The following ADGRL3 variants were observed in gnomAD, a reference collection of about 807,000 sequenced individuals.
ADGRL3 encodes the protein calcium-independent alpha-latrotoxin receptor 3.
ADGRL3 carries 62 observed loss-of-function variants against 153.5 expected under a neutral mutation model. That is an observed-to-expected ratio of 0.40 (90% confidence interval 0.33 to 0.50). The LOEUF is 0.50. Ranked by LOEUF, ADGRL3 falls within the 20% of genes least tolerant of loss-of-function variation. The probability of loss-of-function intolerance (pLI) is 0.47; values close to 1 mark genes in which losing one functional copy is unlikely to be tolerated. For synonymous variants in ADGRL3, 710 were observed against 672.5 expected, an observed-to-expected ratio of 1.06 and a Z score of -0.86; for missense variants, 1,641 against 1,859.4, an observed-to-expected ratio of 0.88 and a Z score of 2.16.
intron 5 of ADGRL3, among the ~76,000 whole-genome samples, chr4:61,673,523 G>T (rs779789600): frequency 1.5e-4 from 22 of 151,464 alleles, no homozygotes; most frequent in Non-Finnish European, 2.5e-4. Context: ...TAATATTTTA[G>T]AATGAATTTA....
chr4:62,038,765 C>T (rs749863407), intron 24 of ADGRL3, among the ~76,000 whole-genome samples: 4 of 152,040 alleles, frequency 2.6e-5, no homozygotes, highest in Non-Finnish European at 5.9e-5. Context: ...TGTGCCACCA[C>T]GCCCAGATAA....
At chr4:61,380,597 C>T (rs1400259298) in intron 1 of ADGRL3, among the ~76,000 whole-genome samples, 1 of 151,952 alleles carries the variant, frequency 6.6e-6, no homozygotes, top group African/African-American at 2.4e-5. Flanking sequence ...ATCTAGTACT[C>T]AAACTCAAAA....
At position 61,726,210 on chromosome 4, in the gene ADGRL3, G is replaced by GTTTTTTTTTTTTTTTTTTTTTTTTTTTTT. The variant is rs149472429; in HGVS notation, c.584-4406_584-4405insTTTTTTTTTTTTTTTTTTTTTTTTTTTTT. ...AATACTCACTGGAACTTTTTTTTTT[G>GTTTTTTTTTTTTTTTTTTTTTTTTTTTTT]TTTTTTGAGAAGGAGTCTCACCCTG... On this transcript the variant is annotated intron_variant, in intron 6 of 26. Transcript: ENST00000683033. Among the ~76,000 whole-genome samples the GTTTTTTTTTTTTTTTTTTTTTTTTTTTTT allele has an allele frequency of 3.2e-4, 38 of 118,486 alleles. 3 individuals carry two copies. Among genetic ancestry groups the GTTTTTTTTTTTTTTTTTTTTTTTTTTTTT allele is most frequent in the Non-Finnish European group, 3.6e-4 (21 of 58,124 alleles). 77.7% of individuals were successfully genotyped at this position (118,486 alleles called of 152,430 possible).
At chr4:61,749,618 C>A (rs2096724921) in intron 8 of ADGRL3, among the ~76,000 whole-genome samples, 1 of 151,812 alleles carries the variant, frequency 6.6e-6, no homozygotes, top group Non-Finnish European at 1.5e-5. Context: ...AACAAAAAAC[C>A]AAACACTGCA....
At chr4:61,601,792 A>T (rs186219693) in intron 5 of ADGRL3, among the ~76,000 whole-genome samples, 7 of 152,258 alleles carry the variant, frequency 4.6e-5, no homozygotes. Context: ...AGGTTCATGG[A>T]GAAATAAAAA....
At chr4:62,020,973 C>T (rs1362259388) in intron 21 of ADGRL3, among the ~76,000 whole-genome samples, 1 of 151,870 alleles carries the variant, frequency 6.6e-6, no homozygotes, top group Non-Finnish European at 1.5e-5. Context: ...AAAGAAAATG[C>T]TACTTTATAT....
intron 15 of ADGRL3, among the ~76,000 whole-genome samples, chr4:61,941,237 G>C (rs1226289174): frequency 1.5e-5 from 2 of 129,796 alleles, no homozygotes; most frequent in South Asian, 6.0e-4. Context: ...AGATCAGATA[G>C]TTGTAGATAT....
At chr4:62,000,678 AC>A (rs2099137122) in intron 21 of ADGRL3, among the ~76,000 whole-genome samples, 1 of 152,140 alleles carries the variant, frequency 6.6e-6, no homozygotes, top group Non-Finnish European at 1.5e-5. Context: ...AAGAACATAA[AC>A]CTTTGATGGT....
chr4:61,952,967 T>C (rs1444671125), intron 17 of ADGRL3, among the ~76,000 whole-genome samples: 3 of 152,204 alleles, frequency 2.0e-5, no homozygotes, highest in Admixed American at 2.0e-4. Context: ...TCACAAAGCA[T>C]GTGTGTCCTG....
intron 1 of ADGRL3, among the ~76,000 whole-genome samples, chr4:61,372,020 A>G (rs944376192): frequency 4.6e-5 from 7 of 152,176 alleles, no homozygotes; most frequent in African/African-American, 1.4e-4. Flanking sequence ...AGTTGATGGT[A>G]TCGGCTCCTG....
chr4:61,842,104 A>C (rs571465481), intron 9 of ADGRL3, among the ~76,000 whole-genome samples: 1 of 152,320 alleles, frequency 6.6e-6, no homozygotes, highest in Admixed American at 6.5e-5. Context: ...CAGAGATGTT[A>C]AAAAGGCACT....
At chr4:61,375,161 T>C (rs764080567) in intron 1 of ADGRL3, among the ~76,000 whole-genome samples, 14 of 152,132 alleles carry the variant, frequency 9.2e-5, no homozygotes, top group Non-Finnish European at 5.9e-5. Context: ...AAAAAAAATC[T>C]ATCATGAGTC....
At chr4:61,373,119 C>T (rs1472833418) in intron 1 of ADGRL3, among the ~76,000 whole-genome samples, 1 of 152,142 alleles carries the variant, frequency 6.6e-6, no homozygotes, top group Non-Finnish European at 1.5e-5. Flanking sequence ...CTGACCTGCG[C>T]CCACTGTCTG....
In ADGRL3 at chr4:61,402,912, G is replaced by T. The variant is rs1295781032; in HGVS notation, c.-174+19723G>T. Among the ~76,000 whole-genome samples the T allele has an allele frequency of 2.0e-5, 3 of 151,794 alleles. No individual in the cohort carries two copies. In the East Asian group the frequency reaches 5.8e-4, roughly 30 times the overall value. ...TGCCTTAACAAAATGCCATTGTTTA[G>T]GTGGCTTAAAAACGGTAGTTTATTT... On this transcript the variant is annotated intron_variant, in intron 2 of 26. Coordinates refer to ENST00000683033, the MANE Select transcript of ADGRL3 (RefSeq NM_001387552.1).
intron 2 of ADGRL3, among the ~76,000 whole-genome samples, chr4:61,432,378 G>A (rs1578823872): frequency 6.6e-6 from 1 of 152,180 alleles, no homozygotes; most frequent in East Asian, 1.9e-4. Context: ...GCTTTTGAAA[G>A]ACAAGAGAAG....
At chr4:61,206,463 G>A (rs1271480274) in intron 1 of ADGRL3, among the ~76,000 whole-genome samples, 1 of 152,128 alleles carries the variant, frequency 6.6e-6, no homozygotes. Context: ...CCCTTTCAGA[G>A]GAAATGTGAA....
At chr4:61,531,394 T>A (rs2098613421) in intron 4 of ADGRL3, among the ~76,000 whole-genome samples, 1 of 152,150 alleles carries the variant, frequency 6.6e-6, no homozygotes. Context: ...CTAATCCCCT[T>A]GGGATTGTGG....
intron 9 of ADGRL3, among the ~76,000 whole-genome samples, chr4:61,816,433 A>G (rs922300412): frequency 6.6e-6 from 1 of 152,138 alleles, no homozygotes; most frequent in African/African-American, 2.4e-5. Flanking sequence ...GGTTACTGTC[A>G]TGTTTGCTGA....
intron 10 of ADGRL3, among the ~76,000 whole-genome samples, chr4:61,893,361 G>T (rs896703298): frequency 6.6e-5 from 10 of 151,980 alleles, no homozygotes; most frequent in Non-Finnish European, 1.2e-4. Context: ...AGATGTACTG[G>T]CTACTCTAGA....
Sources: allele counts gnomAD v4.1 joint callset (sites outside exome capture counted in the v4.1 genomes callset), GRCh38; gene constraint gnomAD v4.1.1; transcripts MANE v1.5; gene names NCBI Gene and HGNC (gene_info 2026-07-23, HGNC 2026-07-21).